Variants in TENM2 observed in about 807,000 individuals in gnomAD.
The protein encoded by TENM2 is teneurin transmembrane protein 2, also known as teneurin-2.
Under a neutral mutation model 245.2 loss-of-function variants are expected in TENM2, and 52 were observed. The observed-to-expected ratio is 0.21, with a 90% confidence interval of 0.17 to 0.27. The LOEUF is 0.27. TENM2 is among the 10% of genes least tolerant of loss of function. The pLI is 1.00. For missense variants in TENM2, 3,046 were observed against 3,666.8 expected, an observed-to-expected ratio of 0.83 and a Z score of 4.37; for synonymous variants, 1,363 against 1,438.9, an observed-to-expected ratio of 0.95 and a Z score of 1.19.
At chr5:167,129,914 G>T in the TENM2 span, among the ~76,000 whole-genome samples, 1 of 152,138 alleles carries the variant, frequency 6.6e-6, no homozygotes, top group Non-Finnish European at 1.5e-5. Context: ...TTTTAATGTA[G>T]CTGGAGTTCA....
At chr5:166,995,242 T>A in the TENM2 span, among the ~76,000 whole-genome samples, 1 of 152,000 alleles carries the variant, frequency 6.6e-6, no homozygotes, top group Non-Finnish European at 1.5e-5. Flanking sequence ...CTTTATTTTT[T>A]ATTTATTTAT....
intron 5 of TENM2, among the ~76,000 whole-genome samples, chr5:168,038,507 T>C (rs1309220015): frequency 6.6e-5 from 10 of 152,190 alleles, no homozygotes; most frequent in Non-Finnish European, 1.5e-4. Flanking sequence ...ATGGGAATCA[T>C]AGTTCTTACC....
At chr5:167,637,059 C>T (rs1208657935) in intron 2 of TENM2, among the ~76,000 whole-genome samples, 2 of 152,108 alleles carry the variant, frequency 1.3e-5, no homozygotes, top group East Asian at 1.9e-4. Context: ...TGCTCATGCA[C>T]GATATGGGGG....
intron 2 of TENM2, among the ~76,000 whole-genome samples, chr5:167,811,321 C>A (rs1429668089): frequency 6.6e-6 from 1 of 152,010 alleles, no homozygotes; most frequent in Non-Finnish European, 1.5e-5. Flanking sequence ...TTGGTGCTGT[C>A]CTTGCAATAG....
chr5:168,182,360 T>G (rs1759986110), intron 13 of TENM2, among the ~76,000 whole-genome samples: 2 of 152,308 alleles, frequency 1.3e-5, no homozygotes, highest in South Asian at 4.2e-4. Flanking sequence ...CTTCATGTAT[T>G]GAGCTTTGCC....
intron 2 of TENM2, among the ~76,000 whole-genome samples, chr5:167,388,652 G>T (rs188396202): frequency 1.1e-3 from 168 of 151,948 alleles, no homozygotes; most frequent in African/African-American, 3.9e-3. Context: ...GCTATGAACT[G>T]TCCTCTTAGA....
At chr5:167,554,020 C>A (rs1423989276) in intron 2 of TENM2, among the ~76,000 whole-genome samples, 1 of 152,174 alleles carries the variant, frequency 6.6e-6, no homozygotes, top group Admixed American at 6.5e-5. Flanking sequence ...AGGAGTTTCT[C>A]AAACAGGGCT....
intron 2 of TENM2, among the ~76,000 whole-genome samples, chr5:167,638,409 C>T (rs958403392): frequency 6.6e-6 from 1 of 152,104 alleles, no homozygotes; most frequent in Non-Finnish European, 1.5e-5. Context: ...AGACTGAGAT[C>T]AAAATTACTA....
chr5:168,246,430 C>G (rs1766578546), intron 26 of TENM2, among the ~76,000 whole-genome samples: 1 of 152,106 alleles, frequency 6.6e-6, no homozygotes, highest in African/African-American at 2.4e-5. Context: ...AAGTATCATC[C>G]AAGCAACATT....
intron 5 of TENM2, among the ~76,000 whole-genome samples, chr5:168,003,557 G>A (rs1314901086): frequency 1.3e-5 from 2 of 152,150 alleles, no homozygotes; most frequent in African/African-American, 2.4e-5. Flanking sequence ...ACAAATAGGA[G>A]GGGAAAATGG....
At chr5:168,066,220 A>T (rs1307573157) in intron 7 of TENM2, among the ~76,000 whole-genome samples, 1 of 152,248 alleles carries the variant, frequency 6.6e-6, no homozygotes, top group Non-Finnish European at 1.5e-5. Context: ...AAAGGAGTAG[A>T]TGGAGAATTG....
chr5:167,673,210 C>T (rs1183311321), intron 2 of TENM2, among the ~76,000 whole-genome samples: 1 of 151,904 alleles, frequency 6.6e-6, no homozygotes. Flanking sequence ...TATTTAAAAT[C>T]TTTCAGGTTT....
chr5:168,189,307 G>A (rs949474009), intron 13 of TENM2, among the ~76,000 whole-genome samples: 2 of 152,196 alleles, frequency 1.3e-5, no homozygotes, highest in Non-Finnish European at 1.5e-5. Flanking sequence ...TGGAAGAAGA[G>A]GCCAACCTAA....
chr5:167,803,416 G>C (rs574768606), intron 2 of TENM2, among the ~76,000 whole-genome samples: 1 of 152,116 alleles, frequency 6.6e-6, no homozygotes, highest in Non-Finnish European at 1.5e-5. Flanking sequence ...AGGGAGAAGA[G>C]AGGTCTTCAA....
chr5:167,181,770 A>G, the TENM2 span, among the ~76,000 whole-genome samples: 1 of 152,174 alleles, frequency 6.6e-6, no homozygotes. Flanking sequence ...GAAGCATGCT[A>G]ATTTTTCATT....
chr5:167,150,564 A>G, the TENM2 span, among the ~76,000 whole-genome samples: 245 of 152,340 alleles, frequency 1.6e-3, no homozygotes, highest in African/African-American at 5.7e-3. Context: ...CATAGTGCTT[A>G]CTATGCCAGC....
chr5:168,060,084 T>C (rs1789902937), intron 6 of TENM2, among the ~76,000 whole-genome samples: 1 of 152,050 alleles, frequency 6.6e-6, no homozygotes, highest in Non-Finnish European at 1.5e-5. Context: ...ATTAGAAAAG[T>C]TAGCCAACAT....
chr5:167,115,190 C>T, the TENM2 span, among the ~76,000 whole-genome samples: 1 of 152,048 alleles, frequency 6.6e-6, no homozygotes, highest in Admixed American at 6.5e-5. Flanking sequence ...AAGGAGACTC[C>T]GAAGAAGTTA....
chr5:167,182,015 A>T, the TENM2 span, among the ~76,000 whole-genome samples: 1 of 152,316 alleles, frequency 6.6e-6, no homozygotes, highest in Non-Finnish European at 1.5e-5. Context: ...TTTTATCCAT[A>T]ATGAAAGTTA....
Sources: gnomAD v4.1 joint callset for allele counts (sites outside exome capture counted in the v4.1 genomes callset) on GRCh38, gnomAD v4.1.1 for gene constraint, MANE v1.5 for transcripts, NCBI Gene and HGNC (gene_info 2026-07-23, HGNC 2026-07-21) for gene names.